The following CEP112 variants were observed in gnomAD, a reference collection of about 807,000 sequenced individuals.
CEP112 encodes centrosomal protein 112.
Under a neutral mutation model 153.0 loss-of-function variants are expected in CEP112, and 127 were observed. That is an observed-to-expected ratio of 0.83 (90% confidence interval 0.72 to 0.96). The LOEUF is 0.96. CEP112 is among the 40% of genes least tolerant of loss of function. CEP112 has a pLI of 0.00. For missense variants in CEP112, 1,089 were observed against 1,101.2 expected, an observed-to-expected ratio of 0.99 and a Z score of 0.16; for synonymous variants, 358 against 374.4, an observed-to-expected ratio of 0.96 and a Z score of 0.51.
At chr17:65,665,717 T>A (rs1219892101) in intron 24 of CEP112, among the ~76,000 whole-genome samples, 1 of 152,250 alleles carries the variant, frequency 6.6e-6, no homozygotes, top group East Asian at 1.9e-4. Context: ...CTGAAGCCAA[T>A]GCTACTTCTC....
At chr17:65,937,575 T>C (rs1343732609) in intron 18 of CEP112, among the ~76,000 whole-genome samples, 31 of 54,388 alleles carry the variant, frequency 5.7e-4, no homozygotes, top group East Asian at 2.2e-3. Flanking sequence ...GTGGGGGGGG[T>C]CAGCCCCCCA....
intron 23 of CEP112, among the ~76,000 whole-genome samples, chr17:65,739,748 T>C (rs954143380): frequency 4.0e-5 from 6 of 151,732 alleles, no homozygotes; most frequent in African/African-American, 1.5e-4. Flanking sequence ...AAAAAAAAAA[T>C]CTACTCTTAC....
intron 16 of CEP112, among the ~76,000 whole-genome samples, chr17:66,013,173 G>C (rs1160331658): frequency 6.6e-6 from 1 of 152,026 alleles, no homozygotes; most frequent in Non-Finnish European, 1.5e-5. Context: ...ACATTCCCCT[G>C]AATCTCAATC....
intron 21 of CEP112, among the ~76,000 whole-genome samples, chr17:65,755,640 A>G (rs918736887): frequency 2.0e-5 from 3 of 151,992 alleles, no homozygotes; most frequent in Non-Finnish European, 4.4e-5. Flanking sequence ...AAGGGGTCAG[A>G]TTGGAGAAAA....
At chr17:66,043,065 G>A in intron 12 of CEP112, 8 of 978,624 alleles carry the variant, frequency 8.2e-6, no homozygotes, top group Non-Finnish European at 9.7e-6. Context: ...AAGGCTTTTG[G>A]CACTCTTTAA....
intron 4 of CEP112, among the ~76,000 whole-genome samples, chr17:66,170,615 T>G (rs1036325348): frequency 1.3e-5 from 2 of 151,528 alleles, no homozygotes; most frequent in African/African-American, 4.9e-5. Context: ...ACACAAAAAT[T>G]AGCCAGGCAT....
chr17:66,095,859 G>C (rs959093692), intron 8 of CEP112, among the ~76,000 whole-genome samples: 4 of 151,996 alleles, frequency 2.6e-5, no homozygotes, highest in African/African-American at 9.7e-5. Flanking sequence ...AGGATCACTT[G>C]AGGCCAACAG....
chr17:65,969,472 T>C (rs1172415212), intron 17 of CEP112, among the ~76,000 whole-genome samples: 1 of 152,216 alleles, frequency 6.6e-6, no homozygotes, highest in East Asian at 1.9e-4. Context: ...CATGCATGTG[T>C]AATGCATGCA....
Position 65,851,954 on chromosome 17 carries a change from C to T in CEP112, c.2244G>A (p.Leu748=). Residue 748 remains leucine (L), a synonymous_variant, in exon 21 of 27, where the codon CTG becomes CTA. Coordinates refer to ENST00000535342, the MANE Select transcript of CEP112 (RefSeq NM_001199165.4). Reference sequence around the variant, plus strand: ...CTTCACGAAGAAGACCAAGCTCTACCAGCTGCTGTTTCCGCTGTGAGTTCA... The same window carrying T: ...CTTCACGAAGAAGACCAAGCTCTACTAGCTGCTGTTTCCGCTGTGAGTTCA... ...INVNSQRKQQ[L]VELGLLREEE... 1 of 1,614,156 alleles carries T rather than the reference C, an allele frequency of 6.2e-7. No individual in the cohort carries two copies. Among genetic ancestry groups the T allele is most frequent in the East Asian group, 2.2e-5 (1 of 44,878 alleles).
chr17:65,806,478 G>C (rs1598637607), intron 21 of CEP112, among the ~76,000 whole-genome samples: 1 of 152,156 alleles, frequency 6.6e-6, no homozygotes, highest in East Asian at 1.9e-4. Flanking sequence ...GATCATGAGG[G>C]CTCTAATATC....
chr17:65,723,326 TAGAG>T (rs2144881776), intron 23 of CEP112, among the ~76,000 whole-genome samples: 1 of 152,266 alleles, frequency 6.6e-6, no homozygotes, highest in South Asian at 2.1e-4. Context: ...GCTTGGAAAA[TAGAG>T]AGGAAAGTAA....
chr17:65,985,374 T>C (rs1478196518), intron 17 of CEP112, among the ~76,000 whole-genome samples: 2 of 152,088 alleles, frequency 1.3e-5, no homozygotes, highest in Admixed American at 6.6e-5. Context: ...AAGAAGAACA[T>C]TAATGAAACC....
chr17:66,103,947 A>G (rs1292612757), intron 6 of CEP112, among the ~76,000 whole-genome samples: 1 of 152,200 alleles, frequency 6.6e-6, no homozygotes, highest in Non-Finnish European at 1.5e-5. Context: ...AACCCTAGCC[A>G]GAGGCAAATC....
chr17:65,892,429 A>G (rs1172010828), intron 20 of CEP112, among the ~76,000 whole-genome samples: 5 of 152,186 alleles, frequency 3.3e-5, no homozygotes, highest in African/African-American at 1.2e-4. Context: ...GTTAACAATA[A>G]TTATGATTTT....
chr17:65,937,553 T>A (rs1187836813), intron 18 of CEP112, among the ~76,000 whole-genome samples: 3 of 97,946 alleles, frequency 3.1e-5, no homozygotes, highest in East Asian at 6.6e-4. Flanking sequence ...AGCCGCCCCG[T>A]CCGGGAGGGA....
chr17:65,694,247 G>A (rs904355629), intron 23 of CEP112, among the ~76,000 whole-genome samples: 19 of 152,266 alleles, frequency 1.2e-4, no homozygotes, highest in African/African-American at 2.9e-4. Flanking sequence ...AGGAGATGGA[G>A]GCCAAGAAAT....
intron 21 of CEP112, among the ~76,000 whole-genome samples, chr17:65,776,270 T>TCC (rs1320745594): frequency 6.6e-6 from 1 of 152,214 alleles, no homozygotes; most frequent in East Asian, 1.9e-4. Context: ...AGTCTCGCTC[T>TCC]GTCGCCCAGG....
At chr17:66,021,796 C>T (rs982394410) in intron 16 of CEP112, among the ~76,000 whole-genome samples, 4 of 152,124 alleles carry the variant, frequency 2.6e-5, no homozygotes, top group African/African-American at 9.7e-5. Flanking sequence ...GATTTGGCCT[C>T]CACTGAGACT....
intron 23 of CEP112, among the ~76,000 whole-genome samples, chr17:65,741,973 C>A (rs1598441249): frequency 6.8e-6 from 1 of 147,192 alleles, no homozygotes. Context: ...AATAAGCTTG[C>A]AGGTGGAAAT....
Sources: gnomAD v4.1 joint callset for allele counts (sites outside exome capture counted in the v4.1 genomes callset) on GRCh38, gnomAD v4.1.1 for gene constraint, MANE v1.5 for transcripts, NCBI Gene and HGNC (gene_info 2026-07-23, HGNC 2026-07-21) for gene names.